Variants in EIF4B observed in about 807,000 individuals in gnomAD.
EIF4B encodes eukaryotic translation initiation factor 4B.
Under a neutral mutation model 79.3 loss-of-function variants are expected in EIF4B, and 8 were observed. The observed-to-expected ratio is 0.10, with a 90% CI of 0.06 to 0.18. EIF4B has a LOEUF of 0.18. Among genes scored for constraint, EIF4B ranks in the 10% least tolerant of loss-of-function variants. The pLI, the probability that EIF4B is intolerant of heterozygous loss-of-function variation, is 1.00. For synonymous variants in EIF4B, 238 were observed against 274.7 expected (o/e 0.87, Z 1.32); for missense variants, 515 against 792.4 (o/e 0.65, Z 4.20).
chr12:53,025,237 C>T (rs1256905753), intron 6 of EIF4B: 2 of 455,644 alleles, frequency 4.4e-6, no homozygotes, highest in Non-Finnish European at 8.8e-6. Flanking sequence ...GAAGAAATGG[C>T]TCTTGAAAGA....
intron 6 of EIF4B, chr12:53,025,403 A>G: frequency 2.7e-6 from 1 of 365,462 alleles, no homozygotes; most frequent in South Asian, 2.2e-5. Flanking sequence ...AACCTGAATT[A>G]AAGATCCAGA....
intron 8 of EIF4B, among the ~76,000 whole-genome samples, chr12:53,031,709 G>C (rs74383721): frequency 6.6e-6 from 1 of 152,198 alleles, no homozygotes; most frequent in Non-Finnish European, 1.5e-5. Flanking sequence ...TAAAGCCCTC[G>C]TAGAAAATTT....
intron 14 of EIF4B, chr12:53,039,925 C>G (rs1356993): frequency 0.88 from 635,609 of 725,724 alleles, 282,947 homozygotes; most frequent in Non-Finnish European, 0.93. Context: ...GTTCTCATCC[C>G]TTCTGCAAGG....
At chr12:53,038,507 G>C (rs1211671142) in intron 12 of EIF4B, 96 bp downstream of exon 12, 2 of 1,252,806 alleles carry the variant, frequency 1.6e-6, no homozygotes, top group Non-Finnish European at 2.2e-6. Flanking sequence ...TCTCGCACCT[G>C]ATACCGTGTT....
chr12:53,015,178 T>G (rs1943129008), intron 1 of EIF4B, among the ~76,000 whole-genome samples: 1 of 152,234 alleles, frequency 6.6e-6, no homozygotes, highest in African/African-American at 2.4e-5. Flanking sequence ...CACTTTCAAA[T>G]AGCAGTACGT....
chr12:53,009,378 G>T (rs768540100), intron 1 of EIF4B, among the ~76,000 whole-genome samples: 3 of 151,924 alleles, frequency 2.0e-5, no homozygotes, highest in Non-Finnish European at 4.4e-5. Flanking sequence ...ACAAAAATTA[G>T]CGGGGTTTTG....
intron 6 of EIF4B, among the ~76,000 whole-genome samples, chr12:53,026,180 A>G (rs985982519): frequency 6.6e-6 from 1 of 152,114 alleles, no homozygotes; most frequent in Non-Finnish European, 1.5e-5. Context: ...AGGTTGTTTT[A>G]GTTAGTTAAT....
intron 4 of EIF4B, among the ~76,000 whole-genome samples, chr12:53,021,057 TA>T (rs925616985): frequency 4.6e-5 from 7 of 152,010 alleles, no homozygotes; most frequent in Admixed American, 1.3e-4. Flanking sequence ...TATTTTTAAC[TA>T]AAAATCATTG....
At chr12:53,007,004 G>A (rs1423281489) in intron 1 of EIF4B, among the ~76,000 whole-genome samples, 3 of 152,082 alleles carry the variant, frequency 2.0e-5, no homozygotes, top group Non-Finnish European at 4.4e-5. Context: ...GCGGGGGAAG[G>A]CAGCGGTGCG....
At chr12:53,027,135 A>C (rs1592222464) in intron 6 of EIF4B, among the ~76,000 whole-genome samples, 1 of 16,976 alleles carries the variant, frequency 5.9e-5, no homozygotes, top group East Asian at 0.012. Context: ...AAAAAAAAAA[A>C]AATTTTTTTT....
In EIF4B at chr12:53,030,413, C is replaced by CTTTTTTT. The variant is rs759061266; in HGVS notation, c.979+2244_979+2250dup. On this transcript the variant is annotated intron_variant, in intron 8 of 14. Transcript: ENST00000262056. Reference sequence around the variant, plus strand: ...GAAATAGGTTTTAAAAAATTATATTCTTTTTTTTTTTTTTTTTTTTTTTTT... The same window carrying CTTTTTTT: ...GAAATAGGTTTTAAAAAATTATATTCTTTTTTTTTTTTTTTTTTTTTTTTTTTTTTTT... Among the ~76,000 whole-genome samples, 147 of 43,092 alleles carry CTTTTTTT rather than the reference C, an allele frequency of 3.4e-3. 52 individuals carry two copies. Among genetic ancestry groups the CTTTTTTT allele is most frequent in the East Asian group, 0.012 (12 of 1,042 alleles). The allele number at this position is 43,092 out of a possible 152,430, so 28.3% of individuals were successfully genotyped here.
At chr12:53,029,935 ACTT>A (rs1943406155) in intron 8 of EIF4B, among the ~76,000 whole-genome samples, 1 of 150,844 alleles carries the variant, frequency 6.6e-6, no homozygotes, top group African/African-American at 2.4e-5. Context: ...TTTAAAAAAA[ACTT>A]AGGCCAGCCA....
intron 5 of EIF4B, chr12:53,022,111 T>C (rs1943255085): frequency 3.1e-6 from 2 of 638,046 alleles, no homozygotes; most frequent in East Asian, 5.5e-5. Context: ...ACAGTCCCCA[T>C]CAACAAAGAA....
chr12:53,038,540 C>A, intron 12 of EIF4B, 129 bp downstream of exon 12: 1 of 775,442 alleles, frequency 1.3e-6, no homozygotes, highest in Non-Finnish European at 1.9e-6. Flanking sequence ...GTTGGCCAGG[C>A]GCAGGGGCTC....
chr12:53,030,652 C>T (rs1405357653), intron 8 of EIF4B, among the ~76,000 whole-genome samples: 10 of 151,786 alleles, frequency 6.6e-5, no homozygotes, highest in African/African-American at 2.2e-4. Context: ...CCTTGTGATT[C>T]GCCCGCCTCG....
At position 53,019,675 on chromosome 12, in the gene EIF4B, CT is replaced by C. The variant is rs34225588; in HGVS notation, c.361-218del. ...GCCACTGCACCTGGCCTGAATTAAT[CT>C]TTTTTTTTTTTTTTTTAGAGTTAAA... On this transcript the variant is annotated intron_variant, in intron 3 of 14. Transcript: ENST00000262056. Among the ~76,000 whole-genome samples the C allele has an allele frequency of 5.8e-3, 761 of 132,336 alleles. 15 individuals carry two copies. Among genetic ancestry groups the C allele is most frequent in the African/African-American group, 0.02 (697 of 35,700 alleles). The allele number at this position is 132,336 out of a possible 152,430, so 86.8% of individuals were successfully genotyped here.
chr12:53,030,843 T>A (rs1229894644), intron 8 of EIF4B, among the ~76,000 whole-genome samples: 2 of 152,194 alleles, frequency 1.3e-5, no homozygotes, highest in African/African-American at 4.8e-5. Flanking sequence ...CTAAGACTTC[T>A]GTGTGGTATA....
intron 2 of EIF4B, among the ~76,000 whole-genome samples, chr12:53,018,552 G>A (rs559085252): frequency 6.6e-6 from 1 of 152,124 alleles, no homozygotes; most frequent in African/African-American, 2.4e-5. Context: ...CTGGCACACA[G>A]TAATATTCCA....
chr12:53,006,613 G>A (rs1942964249), intron 1 of EIF4B, 117 bp downstream of exon 1: 3 of 1,562,674 alleles, frequency 1.9e-6, no homozygotes, highest in African/African-American at 1.4e-5. Flanking sequence ...TGAATTGAGG[G>A]CTGCGGCAGG....
Sources: gnomAD v4.1 joint callset for allele counts (sites outside exome capture counted in the v4.1 genomes callset) on GRCh38, gnomAD v4.1.1 for gene constraint, MANE v1.5 for transcripts, NCBI Gene and HGNC (gene_info 2026-07-23, HGNC 2026-07-21) for gene names.